CDC42BPA: variants seen among roughly 807,000 people sequenced by gnomAD.
The protein encoded by CDC42BPA is serine/threonine-protein kinase MRCK alpha.
In CDC42BPA, 80 loss-of-function variants were observed where a neutral mutation model predicts 223.5. The observed-to-expected ratio is 0.36, with a 90% CI of 0.30 to 0.43. CDC42BPA has a LOEUF of 0.43. CDC42BPA is among the 20% of genes least tolerant of loss of function. The pLI, the probability that CDC42BPA is intolerant of heterozygous loss-of-function variation, is 1.00. For missense variants in CDC42BPA, 1,743 were observed against 2,099.9 expected (o/e 0.83, Z 3.32); for synonymous variants, 694 against 718.6 (o/e 0.97, Z 0.55).
intron 21 of CDC42BPA, among the ~76,000 whole-genome samples, chr1:227,067,441 A>C (rs139931434): frequency 4.1e-4 from 62 of 152,364 alleles, no homozygotes; most frequent in African/African-American, 1.3e-3. Context: ...AGTGGAAAGA[A>C]CAACCAAAAT....
At chr1:227,228,572 G>A (rs938818084) in intron 2 of CDC42BPA, among the ~76,000 whole-genome samples, 2 of 152,078 alleles carry the variant, frequency 1.3e-5, no homozygotes, top group African/African-American at 2.4e-5. Flanking sequence ...TGGATCATAT[G>A]GTAATTCTAT....
intron 15 of CDC42BPA, among the ~76,000 whole-genome samples, chr1:227,096,572 T>C (rs569590492): frequency 6.6e-6 from 1 of 152,314 alleles, no homozygotes; most frequent in African/African-American, 2.4e-5. Context: ...TGTGATTACA[T>C]CCAACCTGCT....
At chr1:227,305,013 T>C (rs1404374706) in intron 1 of CDC42BPA, among the ~76,000 whole-genome samples, 1 of 152,142 alleles carries the variant, frequency 6.6e-6, no homozygotes, top group Non-Finnish European at 1.5e-5. Context: ...ACATAATAAG[T>C]GGCCATTCCC....
rs994761151 is a variant in CDC42BPA, at chr1:227,196,003, T to C, written c.451-2069A>G. Among the ~76,000 whole-genome samples, 5 of 151,922 alleles carry C rather than the reference T, an allele frequency of 3.3e-5. 1 individual carries two copies. The highest frequency in any genetic ancestry group is 6.6e-5 in the Admixed American group (1 of 15,256). On this transcript the variant is annotated intron_variant, in intron 4 of 36. Coordinates refer to ENST00000366766, the MANE Select transcript of CDC42BPA (RefSeq NM_001394014.1). ...CCAATTAATACATGCTGAACCTCAA[T>C]AGTCACTAGGGAAATGAAAGCCAAA...
At chr1:227,097,426 T>C (rs621797) in intron 15 of CDC42BPA, among the ~76,000 whole-genome samples, 19,629 of 152,214 alleles carry the variant, frequency 0.13, 1,338 homozygotes, top group East Asian at 0.26. Flanking sequence ...ATATGCTTTC[T>C]TCACTTGGTT....
chr1:227,017,877 C>G (rs1448914136), intron 32 of CDC42BPA, among the ~76,000 whole-genome samples: 1 of 151,706 alleles, frequency 6.6e-6, no homozygotes, highest in African/African-American at 2.4e-5. Flanking sequence ...TTTCAACACC[C>G]AAAAAGCTGA....
chr1:227,250,061 G>A (rs933858684), intron 2 of CDC42BPA, among the ~76,000 whole-genome samples: 2 of 152,152 alleles, frequency 1.3e-5, no homozygotes, highest in Non-Finnish European at 2.9e-5. Flanking sequence ...ATGCTTGAAT[G>A]TCCATTTTGA....
chr1:227,188,404 G>C lies in CDC42BPA; in HGVS notation c.599+5382C>G, dbSNP rs557764884. On this transcript the variant is annotated intron_variant, in intron 5 of 36. Transcript: ENST00000366766. ...AGAAGTATAATTGAAATGCTAAAAA[G>C]AGAGAGAGGGAAAAAAAAAAAGCAA... 3.9e-3 allele frequency among the ~76,000 whole-genome samples: 207 copies of C among 53,406 alleles called. 3 individuals are homozygous for C. Among genetic ancestry groups the C allele is most frequent in the South Asian group, 1.2e-3 (2 of 1,634 alleles). The allele number at this position is 53,406 out of a possible 152,430, so 35.0% of individuals were successfully genotyped here.
At chr1:227,114,671 T>G (rs866424775) in intron 12 of CDC42BPA, among the ~76,000 whole-genome samples, 2 of 152,040 alleles carry the variant, frequency 1.3e-5, no homozygotes, top group Admixed American at 1.3e-4. Flanking sequence ...TCCAAAAAAT[T>G]TGAAATCTGA....
At chr1:227,127,286 A>G (rs768587126) in intron 11 of CDC42BPA, among the ~76,000 whole-genome samples, 81 of 152,222 alleles carry the variant, frequency 5.3e-4, no homozygotes, top group Non-Finnish European at 1.0e-3. Flanking sequence ...AAACGTTTTA[A>G]TATTTAAAAA....
Position 227,028,811 on chromosome 1 carries a change from A to G in CDC42BPA, c.4278T>C (p.Phe1426=), listed in dbSNP as rs1668729308. The change falls in exon 30 of 37, where the codon TTT becomes TTC. Residue 1426 remains phenylalanine, a synonymous_variant. Transcript: ENST00000366766. The stretch of plus-strand genomic sequence containing the variant: ...TAGCATCCATTGGTTGATGTGCAAT[A>G]AATGATAGTGTATGGTCATTTGAAT... ...MLHSNDHTLS[F]IAHQPMDAIC... is the part of the protein sequence containing the mutation. 1 of 1,613,992 alleles carries G rather than the reference A, an allele frequency of 6.2e-7. No individual in the cohort carries two copies. Among genetic ancestry groups the G allele is most frequent in the African/African-American group, 1.3e-5 (1 of 74,932 alleles).
intron 34 of CDC42BPA, among the ~76,000 whole-genome samples, chr1:227,005,955 C>T (rs967970987): frequency 2.0e-5 from 3 of 152,192 alleles, no homozygotes; most frequent in Non-Finnish European, 4.4e-5. Flanking sequence ...AGCATGCTGC[C>T]TCCCCAAAGG....
intron 17 of CDC42BPA, among the ~76,000 whole-genome samples, chr1:227,077,581 CCACTT>C (rs1679763229): frequency 6.6e-6 from 1 of 152,140 alleles, no homozygotes; most frequent in African/African-American, 2.4e-5. Context: ...AAGATCTCAA[CCACTT>C]CACTGGCCTT....
intron 34 of CDC42BPA, among the ~76,000 whole-genome samples, chr1:227,013,706 T>C (rs1449100932): frequency 6.6e-6 from 1 of 152,106 alleles, no homozygotes; most frequent in African/African-American, 2.4e-5. Context: ...AACATTCTTT[T>C]CTGTGTAAAA....
intron 32 of CDC42BPA, 30 bp from the exon 33 acceptor site, chr1:227,017,080 A>G (rs1572267287): frequency 6.3e-7 from 1 of 1,597,342 alleles, no homozygotes; most frequent in African/African-American, 1.3e-5. Context: ...AACGATAATG[A>G]TGTTCTTTAA....
intron 5 of CDC42BPA, among the ~76,000 whole-genome samples, chr1:227,179,242 C>T (rs1197588376): frequency 6.6e-6 from 1 of 152,040 alleles, no homozygotes; most frequent in East Asian, 1.9e-4. Context: ...TGAAAATATT[C>T]TAAAATAGAT....
intron 21 of CDC42BPA, among the ~76,000 whole-genome samples, chr1:227,066,319 C>T (rs1385200848): frequency 2.6e-5 from 4 of 151,346 alleles, no homozygotes; most frequent in Admixed American, 1.3e-4. Context: ...GAACCTGGGA[C>T]GCAGAGGTTG....
At chr1:227,160,410 G>C in intron 6 of CDC42BPA, 133 bp downstream of exon 6, 1 of 673,476 alleles carries the variant, frequency 1.5e-6, no homozygotes, top group East Asian at 2.8e-5. Context: ...TTTGTGGAAG[G>C]AGGTGGCGCA....
intron 5 of CDC42BPA, among the ~76,000 whole-genome samples, chr1:227,184,717 G>C (rs1668472807): frequency 6.6e-6 from 1 of 151,888 alleles, no homozygotes; most frequent in African/African-American, 2.4e-5. Context: ...CTAGGATTTT[G>C]AGAGACTGCA....
Sources: gnomAD v4.1 joint callset for allele counts (sites outside exome capture counted in the v4.1 genomes callset) on GRCh38, gnomAD v4.1.1 for gene constraint, MANE v1.5 for transcripts, NCBI Gene and HGNC (gene_info 2026-07-23, HGNC 2026-07-21) for gene names.